ZNF831: variants seen among roughly 807,000 people sequenced by gnomAD.
ZNF831 encodes the protein chromosome 20 open reading frame 174.
ZNF831 carries 59 observed loss-of-function variants against 95.8 expected under a neutral mutation model. The observed-to-expected ratio is 0.62, with a 90% CI of 0.50 to 0.77. The LOEUF is 0.77. Among genes scored for constraint, ZNF831 ranks in the 30% least tolerant of loss-of-function variants. The pLI, the probability that ZNF831 is intolerant of heterozygous loss-of-function variation, is 0.00. For synonymous variants in ZNF831, 961 were observed against 925.5 expected, an observed-to-expected ratio of 1.04 and a Z score of -0.70; for missense variants, 2,205 against 2,164.0, an observed-to-expected ratio of 1.02 and a Z score of -0.38.
At chr20:59,167,138 G>C (rs1981338429) in intron 1 of ZNF831, among the ~76,000 whole-genome samples, 1 of 152,212 alleles carries the variant, frequency 6.6e-6, no homozygotes, top group Admixed American at 6.5e-5. Flanking sequence ...CAGGTGTGAA[G>C]TGATATTTTA....
chr20:59,154,147 G>A (rs1002119181), intron 2 of ZNF831, among the ~76,000 whole-genome samples: 2 of 152,204 alleles, frequency 1.3e-5, no homozygotes, highest in Non-Finnish European at 2.9e-5. Flanking sequence ...TCACCTAAAA[G>A]TGTCACAGGG....
chr20:59,175,384 G>A (rs1258547153), intron 1 of ZNF831, among the ~76,000 whole-genome samples: 3 of 151,404 alleles, frequency 2.0e-5, no homozygotes, highest in African/African-American at 7.3e-5. Flanking sequence ...TAGACCTTTT[G>A]TTAGTGCCAT....
At chr20:59,222,087 C>G (rs187027409) in intron 4 of ZNF831, among the ~76,000 whole-genome samples, 1 of 152,200 alleles carries the variant, frequency 6.6e-6, no homozygotes, top group South Asian at 2.1e-4. Flanking sequence ...TTCTTTCTGC[C>G]TCCTCCTGTC....
At chr20:59,252,579 G>T (rs2146755652) in intron 4 of ZNF831, among the ~76,000 whole-genome samples, 1 of 152,240 alleles carries the variant, frequency 6.6e-6, no homozygotes, top group African/African-American at 2.4e-5. Context: ...ATATTTCTGG[G>T]TTCCCACCAT....
Position 59,132,324 on chromosome 20 carries a change from A to G in ZNF831, c.-1425+8819A>G, listed in dbSNP as rs1429584511. 2.8e-5 allele frequency among the ~76,000 whole-genome samples: 4 copies of G among 144,212 alleles called. No individual in the cohort carries two copies. The East Asian group carries it at 8.0e-4, about 29-fold the overall frequency. 94.6% of individuals were successfully genotyped at this position (144,212 alleles called of 152,430 possible). On this transcript the variant is annotated intron_variant, in intron 1 of 7. Transcript: ENST00000637017. ...TTTTTTTTGGCCATTGTCTGACTTC[A>G]GTAAACTGTCTTGTATATGCCTATA...
intron 4 of ZNF831, among the ~76,000 whole-genome samples, chr20:59,221,688 C>A (rs1335727409): frequency 6.6e-6 from 1 of 152,204 alleles, no homozygotes; most frequent in Non-Finnish European, 1.5e-5. Flanking sequence ...AGCTCAGTTC[C>A]AAGGTTTTTC....
chr20:59,168,513 A>G (rs1227654140), intron 1 of ZNF831, among the ~76,000 whole-genome samples: 1 of 136,110 alleles, frequency 7.3e-6, no homozygotes, highest in East Asian at 2.1e-4. Flanking sequence ...CAATAATCTC[A>G]TCTGCAAGTA....
At chr20:59,152,420 G>A (rs1404612909) in intron 2 of ZNF831, among the ~76,000 whole-genome samples, 1 of 152,056 alleles carries the variant, frequency 6.6e-6, no homozygotes, top group African/African-American at 2.4e-5. Context: ...GAGAAGGAAG[G>A]GAATTCCTGG....
In ZNF831 at chr20:59,194,445, T is replaced by C. The variant is rs1288289429; in HGVS notation, c.3426T>C (p.Gly1142=). ...SFLTALTRPQ[G]VPPGWPELAL... is the part of the protein sequence containing the mutation. ...TCACTGCCCTCACTCGGCCTCAGGG[T>C]GTGCCCCCAGGCTGGCCAGAGCTGG... is the stretch of plus-strand genomic sequence containing the variant. The change falls in exon 2 of 6, where the codon GGT becomes GGC. Residue 1142 remains glycine, a synonymous_variant. Transcript: ENST00000371030. The C allele has an allele frequency of 3.7e-6, 6 of 1,612,824 alleles. No individual in the cohort carries two copies. Among genetic ancestry groups the C allele is most frequent in the Non-Finnish European group, 5.1e-6 (6 of 1,179,688 alleles).
intron 1 of ZNF831, among the ~76,000 whole-genome samples, chr20:59,133,965 C>CGT (rs777138589): frequency 1.3e-5 from 2 of 152,222 alleles, no homozygotes; most frequent in Non-Finnish European, 2.9e-5. Flanking sequence ...GCCTTCTGGG[C>CGT]TTGGCCCATG....
At chr20:59,158,553 T>G (rs1380182384) in intron 2 of ZNF831, among the ~76,000 whole-genome samples, 1 of 152,172 alleles carries the variant, frequency 6.6e-6, no homozygotes, top group Non-Finnish European at 1.5e-5. Flanking sequence ...TTTCTCTTTC[T>G]CACTTAGCCT....
chr20:59,163,647 G>T (rs1981020661), upstream of ZNF831, among the ~76,000 whole-genome samples: 1 of 151,606 alleles, frequency 6.6e-6, no homozygotes, highest in African/African-American at 2.4e-5. Flanking sequence ...CTACATTTCT[G>T]GGCAGCAAGC....
Position 59,192,612 on chromosome 20 carries a change from G to A in ZNF831, c.1593G>A (p.Lys531=), listed in dbSNP as rs1347799519. 3.3e-6 allele frequency: 5 copies of A among 1,502,210 alleles called. No homozygotes were observed. The highest frequency in any genetic ancestry group is 1.4e-5 in the African/African-American group (1 of 71,228). The allele number at this position is 1,502,210 out of a possible 1,614,324, so 93.1% of individuals were successfully genotyped here. Reference sequence around the variant, plus strand: ...GGGACCCCTGGTCCAGGACGCAGAAGCCTCTGAGCCCCAGGCCCGGCCCAG... The same window carrying A: ...GGGACCCCTGGTCCAGGACGCAGAAACCTCTGAGCCCCAGGCCCGGCCCAG... ...EPRDPWSRTQ[K]PLSPRPGPAR... The change falls in exon 2 of 6, where the codon AAG becomes AAA. Residue 531 remains lysine, a synonymous_variant. Coordinates refer to ENST00000371030, the MANE Select transcript of ZNF831 (RefSeq NM_178457.3). This position sits in a 1 kb window ranked among gnomAD's most constrained non-coding sequence, Gnocchi z 5.2.
intron 1 of ZNF831, among the ~76,000 whole-genome samples, chr20:59,139,188 C>T (rs1205597070): frequency 6.6e-6 from 1 of 152,164 alleles, no homozygotes; most frequent in Non-Finnish European, 1.5e-5. Context: ...CCTTGAGGTT[C>T]ATCCAACTTG....
At chr20:59,154,776 C>G (rs995354133) in intron 2 of ZNF831, among the ~76,000 whole-genome samples, 1 of 152,180 alleles carries the variant, frequency 6.6e-6, no homozygotes, top group Non-Finnish European at 1.5e-5. Flanking sequence ...TGGCACTCAC[C>G]GCACCGTCTT....
At chr20:59,214,593 T>C (rs998873181) in intron 4 of ZNF831, among the ~76,000 whole-genome samples, 1 of 152,204 alleles carries the variant, frequency 6.6e-6, no homozygotes, top group African/African-American at 2.4e-5. Flanking sequence ...TTTTCCCAGT[T>C]AGAGTCTCAC....
chr20:59,126,703 C>T (rs1979181719), intron 1 of ZNF831, among the ~76,000 whole-genome samples: 1 of 152,212 alleles, frequency 6.6e-6, no homozygotes, highest in Admixed American at 6.5e-5. Flanking sequence ...CTCATAGTCT[C>T]TCCTCTCCGC....
intron 4 of ZNF831, among the ~76,000 whole-genome samples, chr20:59,250,766 A>C (rs1035709307): frequency 6.6e-6 from 1 of 152,210 alleles, no homozygotes; most frequent in Non-Finnish European, 1.5e-5. Flanking sequence ...AATTAAAAGC[A>C]TAATAGCAGA....
intron 4 of ZNF831, among the ~76,000 whole-genome samples, chr20:59,241,533 A>C (rs549967181): frequency 6.6e-6 from 1 of 152,358 alleles, no homozygotes; most frequent in South Asian, 2.1e-4. Context: ...TATAAGAAAC[A>C]TATATAAGAA....
Sources: allele counts gnomAD v4.1 joint callset (sites outside exome capture counted in the v4.1 genomes callset), GRCh38; gene constraint gnomAD v4.1.1; non-coding constraint Gnocchi (gnomAD v3.1); transcripts MANE v1.5; gene names NCBI Gene and HGNC (gene_info 2026-07-23, HGNC 2026-07-21).